KIF16B: variants seen among roughly 807,000 people sequenced by gnomAD.
The protein encoded by KIF16B is kinesin-like protein KIF16B.
In KIF16B, 98 loss-of-function variants were observed where a neutral mutation model predicts 156.3. The observed-to-expected ratio is 0.63, with a 90% CI of 0.53 to 0.74. KIF16B has a LOEUF of 0.74. KIF16B is among the 30% of genes least tolerant of loss of function. KIF16B has a pLI of 0.00. For synonymous variants in KIF16B, 564 were observed against 583.7 expected, an observed-to-expected ratio of 0.97 and a Z score of 0.49; for missense variants, 1,421 against 1,606.5, an observed-to-expected ratio of 0.88 and a Z score of 1.97.
rs1033625367 is a variant in KIF16B at position 16,368,243 on chromosome 20, G to A, written c.3498+2343C>T. ...TTTCTAGCATCTTCATATTCAAGGC[G>A]AAAAACTGAGCTTGGCGAGGAACCT... On this transcript the variant is annotated intron_variant, in intron 22 of 25. Transcript: ENST00000354981. 1.4e-5 allele frequency: 14 copies of A among 1,002,974 alleles called. No individual in the cohort carries two copies. The African/African-American group carries it at 1.6e-4, about 11-fold the overall frequency. The allele number at this position is 1,002,974 out of a possible 1,614,324, so 62.1% of individuals were successfully genotyped here.
intron 25 of KIF16B, among the ~76,000 whole-genome samples, chr20:16,302,558 T>C (rs2063488265): frequency 6.6e-6 from 1 of 152,160 alleles, no homozygotes; most frequent in African/African-American, 2.4e-5. Context: ...TCTTCCTAAT[T>C]TGATTTGGAG....
At chr20:16,527,410 G>A (rs551703528) in intron 2 of KIF16B, among the ~76,000 whole-genome samples, 1 of 152,276 alleles carries the variant, frequency 6.6e-6, no homozygotes, top group South Asian at 2.1e-4. Context: ...CCAATCCTTT[G>A]AGCCATAAAT....
At chr20:16,506,915 T>C (rs1246905792) in intron 7 of KIF16B, among the ~76,000 whole-genome samples, 1 of 150,684 alleles carries the variant, frequency 6.6e-6, no homozygotes, top group Non-Finnish European at 1.5e-5. Context: ...GGCATCATAG[T>C]GAGACACCAT....
intron 23 of KIF16B, among the ~76,000 whole-genome samples, chr20:16,353,604 G>C (rs1254946969): frequency 6.6e-6 from 1 of 152,062 alleles, no homozygotes; most frequent in African/African-American, 2.4e-5. Flanking sequence ...ATTCCCATTT[G>C]ACAGGTGAGG....
At chr20:16,383,498 G>T (rs2123463011) in intron 17 of KIF16B, among the ~76,000 whole-genome samples, 1 of 152,262 alleles carries the variant, frequency 6.6e-6, no homozygotes, top group South Asian at 2.1e-4. Context: ...TGTACCTTAT[G>T]CATGAGAAAT....
At chr20:16,402,760 C>T (rs560270491) in intron 17 of KIF16B, among the ~76,000 whole-genome samples, 2 of 152,216 alleles carry the variant, frequency 1.3e-5, no homozygotes, top group South Asian at 2.1e-4. Context: ...GTGGACAGCC[C>T]GAGTGACATG....
chr20:16,325,367 A>G (rs1170469499), intron 24 of KIF16B, among the ~76,000 whole-genome samples: 1 of 4,872 alleles, frequency 2.1e-4, no homozygotes, highest in Non-Finnish European at 2.8e-4. Context: ...TCAAACTGTC[A>G]CTGTTCACGA....
At chr20:16,483,097 C>G (rs1431500703) in intron 12 of KIF16B, among the ~76,000 whole-genome samples, 1 of 152,228 alleles carries the variant, frequency 6.6e-6, no homozygotes, top group East Asian at 1.9e-4. Context: ...CTCAGGAATG[C>G]ACACTCCTTG....
chr20:16,465,505 A>G (rs1046003210), intron 12 of KIF16B, among the ~76,000 whole-genome samples: 1 of 152,198 alleles, frequency 6.6e-6, no homozygotes, highest in Non-Finnish European at 1.5e-5. Context: ...TCATTTTAGC[A>G]TGTTATTTTA....
intron 17 of KIF16B, among the ~76,000 whole-genome samples, chr20:16,403,660 G>A (rs6043926): frequency 6.6e-6 from 1 of 152,186 alleles, no homozygotes; most frequent in African/African-American, 2.4e-5. Context: ...CTTAAGTTCA[G>A]GCAGGTGTTG....
At chr20:16,553,826 A>G (rs1190679931) in intron 1 of KIF16B, among the ~76,000 whole-genome samples, 3 of 40,430 alleles carry the variant, frequency 7.4e-5, no homozygotes, top group Non-Finnish European at 1.8e-4. Context: ...AGCAGGAGCC[A>G]GGAGCAGACA....
intron 23 of KIF16B, among the ~76,000 whole-genome samples, chr20:16,350,813 C>A (rs980210184): frequency 4.0e-5 from 6 of 151,578 alleles, no homozygotes; most frequent in African/African-American, 1.5e-4. Context: ...AATGAGAGCA[C>A]CTGTGGCCAG....
chr20:16,390,036 A>T (rs1600270189), intron 17 of KIF16B, among the ~76,000 whole-genome samples: 1 of 152,320 alleles, frequency 6.6e-6, no homozygotes, highest in East Asian at 1.9e-4. Context: ...GTGTGTATCA[A>T]GATGGGGGTG....
intron 12 of KIF16B, among the ~76,000 whole-genome samples, chr20:16,482,603 T>C (rs1488031846): frequency 6.6e-6 from 1 of 152,134 alleles, no homozygotes; most frequent in Non-Finnish European, 1.5e-5. Context: ...ATTCTTCAGT[T>C]CTAACACCAG....
intron 12 of KIF16B, among the ~76,000 whole-genome samples, chr20:16,443,921 T>C (rs1012668563): frequency 6.6e-6 from 1 of 152,248 alleles, no homozygotes; most frequent in African/African-American, 2.4e-5. Flanking sequence ...AAATAAATTG[T>C]GTTTGCTGAT....
At chr20:16,366,781 G>C (rs1421253234) in intron 22 of KIF16B, 2 of 982,364 alleles carry the variant, frequency 2.0e-6, no homozygotes, top group African/African-American at 3.5e-5. Flanking sequence ...AGATTAGCCT[G>C]CTGGAATCCA....
chr20:16,368,260 G>A lies in KIF16B; in HGVS notation c.3498+2326C>T, dbSNP rs891534937. 1.5e-5 allele frequency: 15 copies of A among 1,003,314 alleles called. No individual in the cohort carries two copies. The African/African-American group carries it at 2.1e-4, about 14-fold the overall frequency. 62.2% of individuals were successfully genotyped at this position (1,003,314 alleles called of 1,614,324 possible). ...TTCAAGGCGAAAAACTGAGCTTGGC[G>A]AGGAACCTGGTAAACCTGTAGCTGC... On this transcript the variant is annotated intron_variant, in intron 22 of 25. Transcript: ENST00000354981.
intron 23 of KIF16B, among the ~76,000 whole-genome samples, chr20:16,336,639 C>A (rs1031711269): frequency 6.6e-6 from 1 of 152,138 alleles, no homozygotes; most frequent in African/African-American, 2.4e-5. Flanking sequence ...CCATGTCACC[C>A]AGGAACCTCC....
intron 12 of KIF16B, among the ~76,000 whole-genome samples, chr20:16,437,122 G>A (rs910553197): frequency 1.3e-5 from 2 of 152,164 alleles, no homozygotes; most frequent in Non-Finnish European, 2.9e-5. Flanking sequence ...ATACTGTATT[G>A]TTCAGGGAAT....
Sources: allele counts gnomAD v4.1 joint callset (sites outside exome capture counted in the v4.1 genomes callset), GRCh38; gene constraint gnomAD v4.1.1; transcripts MANE v1.5; gene names NCBI Gene and HGNC (gene_info 2026-07-23, HGNC 2026-07-21).